The following SCUBE1 variants were observed in gnomAD, a reference collection of about 807,000 sequenced individuals.
SCUBE1 encodes signal peptide, CUB and EGF-like domain-containing protein 1.
In SCUBE1, 59 loss-of-function variants were observed where a neutral mutation model predicts 124.4. That is an observed-to-expected ratio of 0.47 (90% CI 0.38 to 0.59). SCUBE1 has a LOEUF of 0.59. Among genes scored for constraint, SCUBE1 ranks in the 20% least tolerant of loss-of-function variants. The pLI is 0.00. For synonymous variants in SCUBE1, 545 were observed against 550.9 expected (o/e 0.99, Z 0.15); for missense variants, 1,150 against 1,371.2 (o/e 0.84, Z 2.55).
At chr22:43,216,053 T>G (rs1921796374) in intron 15 of SCUBE1, among the ~76,000 whole-genome samples, 1 of 152,042 alleles carries the variant, frequency 6.6e-6, no homozygotes, top group South Asian at 2.1e-4. Context: ...ATAAGTTATT[T>G]ATTTTTATTT....
chr22:43,218,500 T>C (rs758244790), intron 14 of SCUBE1, 42 bp from the exon 15 acceptor site: 2 of 1,593,696 alleles, frequency 1.3e-6, no homozygotes, highest in Non-Finnish European at 1.7e-6. Flanking sequence ...GCTGGCAACC[T>C]TGCTAGCCGC....
rs2146651404 is a variant in SCUBE1 at position 43,208,168 on chromosome 22, C to T, written c.2638G>A (p.Ala880Thr). ...ETCQTYERPI[A>T]FTSRSRKLWI... ...AGCTTGCGGGAGCGGGAGGTGAAGG[C>T]GATGGGCCTCTCGTAGGTCTGGCAG... The change falls in exon 20 of 22, where the codon GCC (alanine) becomes ACC (threonine). Residue 880 changes from alanine to threonine, a missense_variant. By Grantham distance (58) the Ala-to-Thr change is moderately conservative (BLOSUM62 0). This residue lies in a region of SCUBE1 where 757 missense variants were observed against 840.9 expected (regional missense o/e 0.90). Transcript: ENST00000360835. 6.2e-7 allele frequency: 1 copy of T among 1,614,078 alleles called. No individual in the cohort carries two copies. Among genetic ancestry groups the T allele is most frequent in the Non-Finnish European group, 8.5e-7 (1 of 1,179,998 alleles).
chr22:43,246,284 C>A (rs1254646132), intron 6 of SCUBE1, among the ~76,000 whole-genome samples: 1 of 152,082 alleles, frequency 6.6e-6, no homozygotes, highest in East Asian at 1.9e-4. Context: ...TGGGTGGGAT[C>A]CCTGGGGCCC....
At chr22:43,246,993 C>A (rs1923241816) in intron 6 of SCUBE1, among the ~76,000 whole-genome samples, 1 of 152,206 alleles carries the variant, frequency 6.6e-6, no homozygotes. Context: ...AGGTTACAGG[C>A]ACCAGGCGCT....
At chr22:43,223,256 G>T in intron 10 of SCUBE1, 40 bp from the exon 11 acceptor site, 1 of 1,537,724 alleles carries the variant, frequency 6.5e-7, no homozygotes, top group South Asian at 1.3e-5. Context: ...GAGAGGCCAG[G>T]GCGGAGGCTT....
rs568680075 is a variant in SCUBE1, at chr22:43,202,126, C to G, written c.*1871G>C. On this transcript the variant is annotated 3_prime_UTR_variant, in exon 22 of 22. Transcript: ENST00000360835. ...GCAGCAGGAGCCACGCCGCGGAGCC[C>G]GCTACTGTGGGCACATGTGACGGCG... 1 of 152,404 alleles carries G rather than the reference C, an allele frequency of 6.6e-6. No homozygotes were observed. Among genetic ancestry groups the G allele is most frequent in the East Asian group, 1.9e-4 (1 of 5,188 alleles). 9.4% of individuals were successfully genotyped at this position (152,404 alleles called of 1,614,324 possible).
chr22:43,300,104 G>T (rs1925712944), intron 3 of SCUBE1, among the ~76,000 whole-genome samples: 1 of 152,116 alleles, frequency 6.6e-6, no homozygotes, highest in Non-Finnish European at 1.5e-5. Context: ...AAGTTTTCGT[G>T]GGGGTATACG....
At chr22:43,301,183 G>T (rs570573431) in intron 3 of SCUBE1, among the ~76,000 whole-genome samples, 8 of 152,116 alleles carry the variant, frequency 5.3e-5, no homozygotes, top group Non-Finnish European at 1.0e-4. Context: ...CAACACATTC[G>T]CTCCCCTCCA....
chr22:43,231,413 C>A (rs912092034), intron 8 of SCUBE1, among the ~76,000 whole-genome samples: 1 of 152,214 alleles, frequency 6.6e-6, no homozygotes, highest in African/African-American at 2.4e-5. Context: ...GCAACGCTTT[C>A]CAACAGATGG....
At chr22:43,205,177 G>A (rs1921171860) in intron 21 of SCUBE1, among the ~76,000 whole-genome samples, 1 of 152,150 alleles carries the variant, frequency 6.6e-6, no homozygotes, top group Non-Finnish European at 1.5e-5. Context: ...TCCCGGGGCT[G>A]CGAGGAAAAT....
intron 6 of SCUBE1, among the ~76,000 whole-genome samples, chr22:43,246,399 G>C (rs1923212621): frequency 6.6e-6 from 1 of 152,160 alleles, no homozygotes; most frequent in South Asian, 2.1e-4. Flanking sequence ...AGCTGGGCCA[G>C]TGCTCTTCCG....
At chr22:43,264,455 G>T (rs1233457177) in intron 4 of SCUBE1, among the ~76,000 whole-genome samples, 1 of 152,182 alleles carries the variant, frequency 6.6e-6, no homozygotes, top group East Asian at 1.9e-4. Flanking sequence ...CCTCCCTGGG[G>T]CCTGGCTGGA....
intron 2 of SCUBE1, among the ~76,000 whole-genome samples, chr22:43,332,909 G>A (rs1470620413): frequency 3.9e-5 from 6 of 152,152 alleles, no homozygotes; most frequent in African/African-American, 9.7e-5. Context: ...CTGTCTGGGG[G>A]ACCAGAGATG....
At chr22:43,342,056 G>C (rs1310508988) in intron 1 of SCUBE1, among the ~76,000 whole-genome samples, 1 of 151,976 alleles carries the variant, frequency 6.6e-6, no homozygotes, top group Non-Finnish European at 1.5e-5. Context: ...ATCCTCACTC[G>C]GGGCACGCGG....
intron 21 of SCUBE1, among the ~76,000 whole-genome samples, chr22:43,204,949 A>G (rs1921161834): frequency 6.6e-6 from 1 of 152,040 alleles, no homozygotes; most frequent in Non-Finnish European, 1.5e-5. Flanking sequence ...CTCAAAAAAA[A>G]AAAAAAAAAG....
chr22:43,207,863 T>G (rs1054289798), intron 20 of SCUBE1, among the ~76,000 whole-genome samples: 1 of 152,208 alleles, frequency 6.6e-6, no homozygotes, highest in Non-Finnish European at 1.5e-5. Flanking sequence ...AGCTGAAGCC[T>G]GCAGAGGCCA....
Position 43,218,291 on chromosome 22 carries a change from A to G in SCUBE1, c.1855T>C (p.Cys619Arg). Residue 619 changes from cysteine (C) to arginine (R), a missense_variant, in exon 15 of 22, where the codon TGT (cysteine) becomes CGT (arginine). Cys to Arg is a radical substitution (Grantham distance 180). Transcript: ENST00000360835. The part of the protein sequence containing the change: ...PAKALEGQGA[C>R]GAGQVLQDSK... ...TCCTGTAGCACCTGGCCTGCGCCAC[A>G]TGCCCCCTGCCCCTCCAGCGCCTTG... 6.2e-7 allele frequency: 1 copy of G among 1,613,154 alleles called. No homozygotes were observed. Among genetic ancestry groups the G allele is most frequent in the Non-Finnish European group, 8.5e-7 (1 of 1,179,986 alleles).
rs1346195449 is a variant in SCUBE1 at position 43,201,197 on chromosome 22, G to C, written c.*2800C>G. The stretch of plus-strand genomic sequence containing the variant: ...TGGGTGCCTGTAGTCCCAGCTACTC[G>C]GGAGGCTGAGGCAGGAGAATGGCGT... On this transcript the variant is annotated 3_prime_UTR_variant, in exon 22 of 22. Transcript: ENST00000360835. 6.6e-6 allele frequency: 1 copy of C among 150,710 alleles called. No individual in the cohort carries two copies. The highest frequency in any genetic ancestry group is 2.4e-5 in the African/African-American group (1 of 40,978). The allele number at this position is 150,710 out of a possible 1,614,324, so 9.3% of individuals were successfully genotyped here.
At chr22:43,335,450 G>T (rs1927032523) in intron 2 of SCUBE1, among the ~76,000 whole-genome samples, 1 of 152,156 alleles carries the variant, frequency 6.6e-6, no homozygotes, top group Non-Finnish European at 1.5e-5. Context: ...TGAGGGTTTA[G>T]GAAGCCCATA....
Sources: gnomAD v4.1 joint callset for allele counts (sites outside exome capture counted in the v4.1 genomes callset) on GRCh38, gnomAD v4.1.1 for gene constraint, gnomAD v4.1.1 regional missense constraint, MANE v1.5 for transcripts, NCBI Gene and HGNC (gene_info 2026-07-23, HGNC 2026-07-21) for gene names.